P3H4: variants seen among roughly 807,000 people sequenced by gnomAD.
P3H4 encodes the protein endoplasmic reticulum protein SC65.
Under a neutral mutation model 52.9 loss-of-function variants are expected in P3H4, and 47 were observed. The ratio of observed to expected loss-of-function variants is 0.89; its 90% confidence interval spans 0.70 to 1.13. The LOEUF is 1.13. Ranked by LOEUF, P3H4 falls within the 50% of genes most tolerant of loss-of-function variation. The probability of loss-of-function intolerance (pLI) is 0.00; values close to 1 mark genes in which losing one functional copy is unlikely to be tolerated. For missense variants in P3H4, 585 were observed against 611.0 expected, an observed-to-expected ratio of 0.96 and a Z score of 0.45; for synonymous variants, 256 against 267.9, an observed-to-expected ratio of 0.96 and a Z score of 0.44.
intron 6 of P3H4, among the ~76,000 whole-genome samples, chr17:41,804,344 C>T (rs1389232309): frequency 4.0e-5 from 6 of 151,854 alleles, no homozygotes; most frequent in African/African-American, 7.3e-5. Flanking sequence ...GGCTGCCATA[C>T]GCCAGGCGTG....
chr17:41,809,935 G>T, intron 3 of P3H4, 101 bp from the exon 4 acceptor site: 1 of 1,387,174 alleles, frequency 7.2e-7, no homozygotes, highest in Non-Finnish European at 9.9e-7. Context: ...ACTAAGCCAA[G>T]CTGCTTGTCC....
intron 4 of P3H4, among the ~76,000 whole-genome samples, chr17:41,808,674 C>A (rs1022483213): frequency 2.0e-5 from 3 of 152,200 alleles, no homozygotes; most frequent in Admixed American, 1.3e-4. Context: ...CAAGTGTGAA[C>A]CACTGTGCCC....
Position 41,802,526 on chromosome 17 carries a change from T to G in P3H4, c.*431A>C. ...AGTGATCGGCCTCTCAGTGCTGGGA[T>G]TACAGGCGTGAGCCACCGTGCCGGC... On this transcript the variant is annotated 3_prime_UTR_variant, in exon 8 of 8. Coordinates refer to ENST00000393928, the MANE Select transcript of P3H4 (RefSeq NM_006455.3). 1 of 199,488 alleles carries G rather than the reference T, an allele frequency of 5.0e-6. No homozygotes were observed. The highest frequency in any genetic ancestry group is 9.9e-6 in the Non-Finnish European group (1 of 101,458). The allele number at this position is 199,488 out of a possible 1,614,324, so 12.4% of individuals were successfully genotyped here.
chr17:41,808,065 T>G, intron 4 of P3H4, 61 bp from the exon 5 acceptor site: 4 of 1,571,998 alleles, frequency 2.5e-6, no homozygotes, highest in Non-Finnish European at 3.5e-6. Flanking sequence ...CAACTCCATC[T>G]TCCAGTTCAG....
rs1555615138 is a variant in P3H4, at chr17:41,811,482, T to C, written c.434A>G (p.Tyr145Cys). Residue 145 changes from tyrosine to cysteine, a missense_variant, in exon 1 of 8, where the codon TAC (tyrosine) becomes TGC (cysteine). Physicochemically the swap from Tyr to Cys is radical, Grantham distance 194. Transcript: ENST00000393928. This position sits in a 1 kb window ranked among gnomAD's most constrained non-coding sequence, Gnocchi z 4.8. ...LLRDFQSRLP[Y>C]QYLHYALFKA... ...GAACAGCGCGTAGTGCAGGTACTGG[T>C]AGGGCAGGCGGCTCTGGAAGTCACG... 1 of 1,611,656 alleles carries C rather than the reference T, an allele frequency of 6.2e-7. No homozygotes were observed. Among genetic ancestry groups the C allele is most frequent in the Middle Eastern group, 1.7e-4 (1 of 6,060 alleles).
chr17:41,803,172 A>T (rs1242382407), intron 7 of P3H4, 115 bp downstream of exon 7: 2 of 1,483,748 alleles, frequency 1.3e-6, no homozygotes, highest in Non-Finnish European at 1.8e-6. Flanking sequence ...CCCCTGGAGG[A>T]TGGGCCCCAG....
At chr17:41,803,134 G>A (rs901542159) in intron 7 of P3H4, among the ~76,000 whole-genome samples, 153 bp downstream of exon 7, 8 of 151,998 alleles carry the variant, frequency 5.3e-5, no homozygotes, top group African/African-American at 9.7e-5. Flanking sequence ...ACCCCCAAGC[G>A]GGACAGGGGT....
rs782784139 is a variant in P3H4, at chr17:41,808,031, G to A, written c.917-27C>T. 5 of 1,600,094 alleles carry A rather than the reference G, an allele frequency of 3.1e-6. No homozygotes were observed. In the South Asian group the frequency reaches 4.5e-5, roughly 14 times the overall value. On this transcript the variant is annotated intron_variant, in intron 4 of 7. Transcript: ENST00000393928. The stretch of plus-strand genomic sequence containing the variant: ...TGCAGCAGGACAGGGGTGAGGAATT[G>A]CTCTGGCACTTCCCCTTCAGAGTCA...
chr17:41,809,288 G>A lies in P3H4; in HGVS notation c.916+418C>T, dbSNP rs140942634. 4.7e-3 allele frequency among the ~76,000 whole-genome samples: 722 copies of A among 152,264 alleles called. 8 individuals carry two copies. The highest frequency in any genetic ancestry group is 0.017 in the African/African-American group (691 of 41,556). Reference sequence around the variant, plus strand: ...ATACAAAAACTAGCTGGGTGTGGTGGCAGGCACCTATAATCCCAGCTACTC... The same window carrying A: ...ATACAAAAACTAGCTGGGTGTGGTGACAGGCACCTATAATCCCAGCTACTC... On this transcript the variant is annotated intron_variant, in intron 4 of 7. Coordinates refer to ENST00000393928, the MANE Select transcript of P3H4 (RefSeq NM_006455.3).
At position 41,811,826 on chromosome 17, in the gene P3H4, G is replaced by T; in HGVS notation, c.90C>A (p.Pro30=). 1 of 1,540,970 alleles carries T rather than the reference G, an allele frequency of 6.5e-7. No homozygotes were observed. The highest frequency in any genetic ancestry group is 8.7e-7 in the Non-Finnish European group (1 of 1,154,954). Residue 30 remains proline (P), a synonymous_variant, in exon 1 of 8, where the codon CCC becomes CCA. Coordinates refer to ENST00000393928, the MANE Select transcript of P3H4 (RefSeq NM_006455.3). The surrounding 1 kb of genome is among the most constrained non-coding windows in gnomAD (Gnocchi z 4.8). The part of the protein sequence containing the change: ...YEKYSFRGFP[P]EDLMPLAAAY... ...CCGCGGCCAGCGGCATCAGGTCCTC[G>T]GGCGGGAAGCCCCGGAAGCTGTACT...
intron 6 of P3H4, among the ~76,000 whole-genome samples, chr17:41,803,698 C>G (rs1005882099): frequency 9.9e-5 from 15 of 152,182 alleles, no homozygotes; most frequent in African/African-American, 3.6e-4. Context: ...GCATAAAGAC[C>G]CTGGCAAGAA....
Position 41,811,552 on chromosome 17 carries a change from TC to T in P3H4, c.363del (p.Thr122ArgfsTer56). 1 of 1,609,150 alleles carries T rather than the reference TC, an allele frequency of 6.2e-7. No individual in the cohort carries two copies. The highest frequency in any genetic ancestry group is 8.5e-7 in the Non-Finnish European group (1 of 1,178,698). ...ERAACLRRCK[R>X]TLPAFQVPYP... ...TAGGGCACCTGGAAGGCGGGCAGCG[TC>T]CGCTTGCAGCGCCGCAGGCAGGCGG... is the stretch of plus-strand genomic sequence containing the variant. On this transcript the variant is annotated frameshift_variant, in exon 1 of 8. Coordinates refer to ENST00000393928, the MANE Select transcript of P3H4 (RefSeq NM_006455.3). LOFTEE classifies it high-confidence loss of function. The surrounding 1 kb of genome is among the most constrained non-coding windows in gnomAD (Gnocchi z 4.8).
intron 6 of P3H4, among the ~76,000 whole-genome samples, chr17:41,804,096 C>T (rs543351744): frequency 9.2e-5 from 14 of 152,056 alleles, no homozygotes; most frequent in African/African-American, 2.4e-4. Context: ...GGAATATAGG[C>T]GCATGCCGCC....
chr17:41,810,913 T>C lies in P3H4; in HGVS notation c.737A>G (p.Glu246Gly). Residue 246 changes from glutamate to glycine, a missense_variant, in exon 3 of 8, where the codon GAA becomes GGA. Physicochemically the swap from Glu to Gly is moderately conservative, Grantham distance 98 (BLOSUM62 -2). Coordinates refer to ENST00000393928, the MANE Select transcript of P3H4 (RefSeq NM_006455.3). The stretch of plus-strand genomic sequence containing the variant: ...GAAGTCCACCTGCTCATGGGCCCCT[T>C]CACAGCCGGCCAGGCACCGGGCAAA... ...AVFARCLAGC[E>G]GAHEQVDFKD... is the part of the protein sequence containing the mutation. The C allele has an allele frequency of 6.2e-7, 1 of 1,614,116 alleles. No homozygotes were observed. Among genetic ancestry groups the C allele is most frequent in the Non-Finnish European group, 8.5e-7 (1 of 1,180,006 alleles).
In P3H4 at chr17:41,811,576, C is replaced by A; in HGVS notation, c.340G>T (p.Ala114Ser). 1 of 1,601,012 alleles carries A rather than the reference C, an allele frequency of 6.2e-7. No homozygotes were observed. Among genetic ancestry groups the A allele is most frequent in the Non-Finnish European group, 8.5e-7 (1 of 1,175,532 alleles). ...RLFGRVLERA[A>S]CLRRCKRTLP... ...GTCCGCTTGCAGCGCCGCAGGCAGG[C>A]GGCTCGCTCCAGGACGCGGCCGAAG... Residue 114 changes from alanine (A) to serine (S), a missense_variant, in exon 1 of 8, where the codon GCC (alanine) becomes TCC (serine). By Grantham distance (99) the Ala-to-Ser change is moderately conservative (BLOSUM62 1). Coordinates refer to ENST00000393928, the MANE Select transcript of P3H4 (RefSeq NM_006455.3). The surrounding 1 kb of genome is among the most constrained non-coding windows in gnomAD (Gnocchi z 4.8).
chr17:41,811,050 C>T lies in P3H4; in HGVS notation c.616-16G>A. The T allele has an allele frequency of 6.2e-7, 1 of 1,608,070 alleles. No homozygotes were observed. Among genetic ancestry groups the T allele is most frequent in the Non-Finnish European group, 8.5e-7 (1 of 1,175,480 alleles). ...GGAACACGGCCTGGAAGGGGCGTGG[C>T]AGGGGGAGTCAGGGCGCCCCCAACA... On this transcript the variant is annotated splice_polypyrimidine_tract_variant and intron_variant, in intron 2 of 7. Coordinates refer to ENST00000393928, the MANE Select transcript of P3H4 (RefSeq NM_006455.3). The surrounding 1 kb of genome is among the most constrained non-coding windows in gnomAD (Gnocchi z 4.8).
chr17:41,809,237 A>T (rs868936677), intron 4 of P3H4, among the ~76,000 whole-genome samples: 1 of 152,214 alleles, frequency 6.6e-6, no homozygotes, highest in South Asian at 2.1e-4. Context: ...CCTGGCCAAC[A>T]TGGTGAAACC....
intron 6 of P3H4, among the ~76,000 whole-genome samples, chr17:41,804,053 G>A (rs1275839123): frequency 2.6e-5 from 4 of 151,014 alleles, no homozygotes; most frequent in Admixed American, 2.0e-4. Flanking sequence ...CTGGGTTCAC[G>A]CCATTCTCCT....
At position 41,802,932 on chromosome 17, in the gene P3H4, T is replaced by C; in HGVS notation, c.*25A>G. ...GCCATCGGCACCAGGCTTCCCAAGCTTGAGCGGTGTGGGGTGTCCCCTTCT... is the reference window on the plus strand; with the variant it reads ...GCCATCGGCACCAGGCTTCCCAAGCCTGAGCGGTGTGGGGTGTCCCCTTCT... On this transcript the variant is annotated 3_prime_UTR_variant, in exon 8 of 8. Coordinates refer to ENST00000393928, the MANE Select transcript of P3H4 (RefSeq NM_006455.3). 6.2e-7 allele frequency: 1 copy of C among 1,610,648 alleles called. No homozygotes were observed. The highest frequency in any genetic ancestry group is 8.5e-7 in the Non-Finnish European group (1 of 1,178,656).
Sources: gnomAD v4.1 joint callset for allele counts (sites outside exome capture counted in the v4.1 genomes callset) on GRCh38, gnomAD v4.1.1 for gene constraint, Gnocchi (gnomAD v3.1) non-coding constraint, MANE v1.5 for transcripts, NCBI Gene and HGNC (gene_info 2026-07-23, HGNC 2026-07-21) for gene names.